The following AKAP9 variants were observed in gnomAD, a reference collection of about 807,000 sequenced individuals.
The protein encoded by AKAP9 is A-kinase anchoring protein 9.
A neutral mutation model predicts 488.5 loss-of-function variants in AKAP9; 311 were observed. That is an observed-to-expected ratio of 0.64 (90% CI 0.58 to 0.70). AKAP9 has a LOEUF of 0.70. Ranked by LOEUF, AKAP9 falls within the 30% of genes least tolerant of loss-of-function variation. The pLI is 0.00. For missense variants in AKAP9, 4,215 were observed against 4,374.5 expected (o/e 0.96, Z 1.03); for synonymous variants, 1,462 against 1,483.5 (o/e 0.99, Z 0.33).
At chr7:92,092,807 C>G (rs944731918) in intron 38 of AKAP9, 8 of 331,358 alleles carry the variant, frequency 2.4e-5, no homozygotes, top group African/African-American at 1.7e-4. Flanking sequence ...CCAGCACGCC[C>G]AGCTAATTTT....
chr7:91,959,863 A>G (rs932981316), intron 1 of AKAP9, among the ~76,000 whole-genome samples: 1 of 152,100 alleles, frequency 6.6e-6, no homozygotes, highest in African/African-American at 2.4e-5. Flanking sequence ...AACAGTTTGT[A>G]TCTTTGTGAT....
intron 16 of AKAP9, among the ~76,000 whole-genome samples, chr7:92,035,695 C>T (rs1805080087): frequency 6.6e-6 from 1 of 152,198 alleles, no homozygotes. Context: ...ATACAAATCA[C>T]CTAAGTTTTG....
At chr7:92,064,778 T>G (rs1810496440) in intron 24 of AKAP9, among the ~76,000 whole-genome samples, 2 of 152,198 alleles carry the variant, frequency 1.3e-5, no homozygotes, top group African/African-American at 4.8e-5. Context: ...TGGTTAAAGA[T>G]TTACAGTGTT....
At chr7:92,100,755 G>A (rs1346416200) in intron 44 of AKAP9, 101 bp from the exon 45 acceptor site, 6 of 1,368,420 alleles carry the variant, frequency 4.4e-6, no homozygotes, top group Non-Finnish European at 6.2e-6. Flanking sequence ...TCTGGGTGGG[G>A]TTAGAAAGTT....
At chr7:92,078,376 C>A (rs1182572573) in intron 30 of AKAP9, among the ~76,000 whole-genome samples, 2 of 152,068 alleles carry the variant, frequency 1.3e-5, no homozygotes, top group African/African-American at 4.8e-5. Context: ...AATCCTTATA[C>A]TTTAGGAAGC....
At chr7:91,977,675 C>T (rs1486193214) in intron 2 of AKAP9, among the ~76,000 whole-genome samples, 1 of 152,112 alleles carries the variant, frequency 6.6e-6, no homozygotes, top group Non-Finnish European at 1.5e-5. Flanking sequence ...CTATCCTTTC[C>T]TTTTTTTGTA....
chr7:92,029,921 C>G lies in AKAP9; in HGVS notation c.4175C>G (p.Thr1392Arg). The change falls in exon 15 of 50, where the codon ACA becomes AGA. Residue 1392 changes from threonine to arginine, a missense_variant. Physicochemically the swap from Thr to Arg is moderately conservative, Grantham distance 71. Around this residue, in one of 5 missense-constraint regions of AKAP9, gnomAD observed 2,361 missense variants for 2,430.0 expected, o/e 0.97. Coordinates refer to ENST00000356239, the MANE Select transcript of AKAP9 (RefSeq NM_005751.5). ...TTACCTGTTGATTCGGTGGTAATTACAGAATCTGATGCACAGAGAACAATG... is the reference window on the plus strand; with the variant it reads ...TTACCTGTTGATTCGGTGGTAATTAGAGAATCTGATGCACAGAGAACAATG... ...PSLPVDSVVITESDAQRTMYP... is the reference protein window; with the variant it reads ...PSLPVDSVVIRESDAQRTMYP... 1.9e-6 allele frequency: 3 copies of G among 1,612,906 alleles called. No homozygotes were observed. The highest frequency in any genetic ancestry group is 2.5e-6 in the Non-Finnish European group (3 of 1,179,170).
rs1172621708 is a variant in AKAP9, at chr7:92,052,964, C to T, written c.5601+6C>T. On this transcript the variant is annotated splice_donor_region_variant and intron_variant, in intron 22 of 49. Coordinates refer to ENST00000356239, the MANE Select transcript of AKAP9 (RefSeq NM_005751.5). ...TAAGTGAAACTAGCAGTCAGGTAAC[C>T]TCCTTATATTGCTAATATGTACTGA... 1.0e-5 allele frequency: 16 copies of T among 1,599,286 alleles called. No individual in the cohort carries two copies. The highest frequency in any genetic ancestry group is 3.3e-4 in the Middle Eastern group (2 of 6,056).
At position 92,026,524 on chromosome 7, in the gene AKAP9, G is replaced by A. The variant is rs191249812; in HGVS notation, c.4149-3371G>A. Among the ~76,000 whole-genome samples, 361 of 152,252 alleles carry A rather than the reference G, an allele frequency of 2.4e-3. 2 individuals carry two copies. The highest frequency in any genetic ancestry group is 8.0e-3 in the African/African-American group (334 of 41,540). On this transcript the variant is annotated intron_variant, in intron 14 of 49. Transcript: ENST00000356239. ...TGGTTTTTGTGTTTTTGGTGGAGAT[G>A]GGGTTTCGCCATGTTGGCTGGGCTG... is the stretch of plus-strand genomic sequence containing the variant.
chr7:91,965,649 CA>C (rs1239656439), intron 1 of AKAP9, among the ~76,000 whole-genome samples: 1 of 152,184 alleles, frequency 6.6e-6, no homozygotes, highest in African/African-American at 2.4e-5. Flanking sequence ...TTTCTGTTAA[CA>C]GTATACAAGG....
rs983702420 is a variant in AKAP9, at chr7:91,993,147, A to T, written c.576+92A>T. 1.0e-4 allele frequency: 145 copies of T among 1,420,030 alleles called. 1 individual carries two copies. In the South Asian group the frequency reaches 1.1e-3, roughly 11 times the overall value. The allele number at this position is 1,420,030 out of a possible 1,614,324, so 88.0% of individuals were successfully genotyped here. Reference sequence around the variant, plus strand: ...AGTAGTCTTTAAAGATGGGGTTTTTAAAATTTTTTTTTAACTTTTTTCTTT... The same window carrying T: ...AGTAGTCTTTAAAGATGGGGTTTTTTAAATTTTTTTTTAACTTTTTTCTTT... On this transcript the variant is annotated intron_variant, in intron 5 of 49. Transcript: ENST00000356239.
chr7:91,955,718 C>T (rs937610729), intron 1 of AKAP9, among the ~76,000 whole-genome samples: 4 of 152,180 alleles, frequency 2.6e-5, no homozygotes, highest in African/African-American at 9.7e-5. Context: ...GCTGCAACCT[C>T]TGCCTCCCGG....
chr7:91,947,793 A>T (rs1026353355), intron 1 of AKAP9, among the ~76,000 whole-genome samples: 4 of 152,040 alleles, frequency 2.6e-5, no homozygotes, highest in African/African-American at 9.7e-5. Context: ...AGAAGCTATA[A>T]TTTTTTTTAA....
chr7:92,028,062 A>G (rs1245091307), intron 14 of AKAP9, among the ~76,000 whole-genome samples: 1 of 152,092 alleles, frequency 6.6e-6, no homozygotes, highest in Non-Finnish European at 1.5e-5. Context: ...GTGGTGCAAG[A>G]TGTGCTTTGT....
rs558415055 is a variant in AKAP9, at chr7:91,994,583, T to TA, written c.577-30dup. 6.5e-4 allele frequency: 1,002 copies of TA among 1,539,250 alleles called. 5 individuals are homozygous for TA. In the African/African-American group the frequency reaches 0.012, roughly 19 times the overall value. Reference sequence around the variant, plus strand: ...AAAGTTACCTGTAATAATAGTCAATTAAAAAAAATAAATCTAGCACTTACT... The same window carrying TA: ...AAAGTTACCTGTAATAATAGTCAATTAAAAAAAAATAAATCTAGCACTTACT... On this transcript the variant is annotated intron_variant, in intron 5 of 49. Transcript: ENST00000356239.
chr7:92,008,138 G>A (rs541720653), intron 8 of AKAP9, among the ~76,000 whole-genome samples: 2 of 152,202 alleles, frequency 1.3e-5, no homozygotes, highest in East Asian at 3.9e-4. Flanking sequence ...GGGAGGCCGA[G>A]GTGGACAGAT....
intron 40 of AKAP9, among the ~76,000 whole-genome samples, chr7:92,095,447 C>T (rs1345373577): frequency 6.6e-6 from 1 of 152,180 alleles, no homozygotes; most frequent in Admixed American, 6.5e-5. Flanking sequence ...TTGGTACACA[C>T]AGATAAATAT....
At chr7:92,043,832 G>C (rs1806530164) in intron 20 of AKAP9, among the ~76,000 whole-genome samples, 1 of 152,154 alleles carries the variant, frequency 6.6e-6, no homozygotes. Flanking sequence ...CCTTTAGCCT[G>C]ATTTTTGGCA....
chr7:91,969,450 C>T (rs1794790326), intron 1 of AKAP9, among the ~76,000 whole-genome samples: 1 of 152,096 alleles, frequency 6.6e-6, no homozygotes, highest in African/African-American at 2.4e-5. Context: ...TAGTTTAATT[C>T]TGATGTTTTC....
Sources: gnomAD v4.1 joint callset for allele counts (sites outside exome capture counted in the v4.1 genomes callset) on GRCh38, gnomAD v4.1.1 for gene constraint, gnomAD v4.1.1 regional missense constraint, MANE v1.5 for transcripts, NCBI Gene and HGNC (gene_info 2026-07-23, HGNC 2026-07-21) for gene names.